Variants in SLC35F2 observed in about 807,000 individuals in gnomAD.
SLC35F2 encodes solute carrier family 35 member F2.
SLC35F2 carries 25 observed loss-of-function variants against 38.1 expected under a neutral mutation model. The ratio of observed to expected loss-of-function variants is 0.66; its 90% CI spans 0.48 to 0.92. The LOEUF (loss-of-function observed/expected upper bound fraction) is 0.92, where lower values mean the gene tolerates loss of function less well. SLC35F2 is among the 40% of genes least tolerant of loss of function. The probability of loss-of-function intolerance (pLI) is 0.00; values close to 1 mark genes in which losing one functional copy is unlikely to be tolerated. For synonymous variants in SLC35F2, 173 were observed against 181.7 expected (o/e 0.95, Z 0.38); for missense variants, 409 against 452.9 (o/e 0.90, Z 0.88).
intron 7 of SLC35F2, among the ~76,000 whole-genome samples, chr11:107,797,704 T>C (rs1859242618): frequency 6.6e-6 from 1 of 152,198 alleles, no homozygotes; most frequent in African/African-American, 2.4e-5. Context: ...TTCTTAACGT[T>C]AAACCTTAAG....
At chr11:107,856,632 G>A (rs1399180971) in intron 1 of SLC35F2, among the ~76,000 whole-genome samples, 4 of 152,164 alleles carry the variant, frequency 2.6e-5, no homozygotes, top group African/African-American at 9.7e-5. Flanking sequence ...GAAAGGTTGA[G>A]GTTGCAGTTA....
intron 1 of SLC35F2, among the ~76,000 whole-genome samples, chr11:107,828,189 C>G: frequency 1.3e-5 from 2 of 152,178 alleles, no homozygotes; most frequent in East Asian, 3.9e-4. Flanking sequence ...GTAATCCCAG[C>G]ACTCTGGGAG....
At chr11:107,845,129 G>A (rs1860085600) in intron 1 of SLC35F2, among the ~76,000 whole-genome samples, 1 of 152,078 alleles carries the variant, frequency 6.6e-6, no homozygotes, top group African/African-American at 2.4e-5. Context: ...CTTAGGAAAT[G>A]CTCTTCCCCC....
chr11:107,841,616 T>A (rs1860013834), intron 1 of SLC35F2, among the ~76,000 whole-genome samples: 2 of 150,150 alleles, frequency 1.3e-5, no homozygotes, highest in Admixed American at 1.3e-4. Context: ...GAGACCCAAC[T>A]TCATTAGGGA....
intron 1 of SLC35F2, among the ~76,000 whole-genome samples, chr11:107,838,723 G>T (rs777619434): frequency 1.5e-4 from 23 of 150,370 alleles, no homozygotes; most frequent in Non-Finnish European, 2.4e-4. Context: ...CTGCCTCCTG[G>T]GTTCAAGCGA....
At chr11:107,801,432 G>T (rs1319043680) in intron 7 of SLC35F2, among the ~76,000 whole-genome samples, 3 of 151,494 alleles carry the variant, frequency 2.0e-5, no homozygotes, top group African/African-American at 7.3e-5. Context: ...TTTTTATTTT[G>T]AAAAATACAT....
In SLC35F2 at chr11:107,838,223, T is replaced by C. The variant is rs373738273; in HGVS notation, c.110+20435A>G. 1.1e-4 allele frequency among the ~76,000 whole-genome samples: 16 copies of C among 152,320 alleles called. No individual in the cohort carries two copies. The South Asian group carries it at 3.3e-3, about 32-fold the overall frequency. ...CTGCAAGTACACTACTTGCATTTATTAGGGATTCATAAAACCTTTCTTACC... is the reference window on the plus strand; with the variant it reads ...CTGCAAGTACACTACTTGCATTTATCAGGGATTCATAAAACCTTTCTTACC... On this transcript the variant is annotated intron_variant, in intron 1 of 7. Transcript: ENST00000525815.
chr11:107,826,256 T>C (rs893463620), intron 1 of SLC35F2, among the ~76,000 whole-genome samples: 5 of 151,656 alleles, frequency 3.3e-5, no homozygotes, highest in African/African-American at 1.2e-4. Flanking sequence ...AATTTGTTAA[T>C]TTTTTAAAAG....
intron 1 of SLC35F2, among the ~76,000 whole-genome samples, chr11:107,857,317 G>GGGAA (rs202247657): frequency 2.9e-4 from 43 of 145,840 alleles, no homozygotes; most frequent in Non-Finnish European, 5.4e-4. Flanking sequence ...GAAGGAGAGA[G>GGGAA]GGAAGGAAGG....
intron 1 of SLC35F2, among the ~76,000 whole-genome samples, chr11:107,844,622 C>CAATAAATAAATAAATA (rs57389430): frequency 7.4e-6 from 1 of 134,792 alleles, no homozygotes; most frequent in Non-Finnish European, 1.6e-5. Context: ...ACTCCTTCTC[C>CAATAAATAAATAAATA]AATAAATAAA....
chr11:107,801,958 G>A (rs756885017), intron 7 of SLC35F2, among the ~76,000 whole-genome samples: 7 of 152,102 alleles, frequency 4.6e-5, no homozygotes, highest in African/African-American at 7.2e-5. Flanking sequence ...AAATGGCTCC[G>A]CCAGGCATGG....
At chr11:107,806,029 C>G (rs1325468540) in intron 4 of SLC35F2, among the ~76,000 whole-genome samples, 3 of 152,150 alleles carry the variant, frequency 2.0e-5, no homozygotes, top group African/African-American at 4.8e-5. Context: ...GTGATCCACC[C>G]ACCTTGGCCT....
At chr11:107,834,393 G>A (rs1242482742) in intron 1 of SLC35F2, among the ~76,000 whole-genome samples, 1 of 152,174 alleles carries the variant, frequency 6.6e-6, no homozygotes, top group Non-Finnish European at 1.5e-5. Context: ...GCTCACCCCT[G>A]TAATCCCAGC....
rs368168023 is a variant in SLC35F2 at position 107,846,147 on chromosome 11, C to T, written c.110+12511G>A. 1.1e-4 allele frequency among the ~76,000 whole-genome samples: 16 copies of T among 151,080 alleles called. No individual in the cohort carries two copies. The East Asian group carries it at 1.9e-3, about 18-fold the overall frequency. ...AAGAAACTGAGTTATCTGGTTTCTA[C>T]GGTGTTAATACAGTAGAAATCATAA... On this transcript the variant is annotated intron_variant, in intron 1 of 7. Coordinates refer to ENST00000525815, the MANE Select transcript of SLC35F2 (RefSeq NM_017515.5).
intron 1 of SLC35F2, among the ~76,000 whole-genome samples, chr11:107,835,433 C>CTTT (rs34100475): frequency 3.2e-4 from 47 of 148,890 alleles, no homozygotes; most frequent in African/African-American, 3.7e-4. Flanking sequence ...CCCACAGTGA[C>CTTT]TTTTTTTTTT....
intron 1 of SLC35F2, among the ~76,000 whole-genome samples, chr11:107,832,745 T>A (rs1194984002): frequency 1.3e-5 from 2 of 152,288 alleles, no homozygotes; most frequent in Non-Finnish European, 2.9e-5. Context: ...AGTTCAAGGC[T>A]GCAGTGAGCC....
intron 1 of SLC35F2, among the ~76,000 whole-genome samples, chr11:107,839,248 G>A (rs879394141): frequency 6.6e-6 from 1 of 152,138 alleles, no homozygotes; most frequent in African/African-American, 2.4e-5. Flanking sequence ...ATCACTTGAG[G>A]TCAGGAGTTC....
At chr11:107,800,976 T>C (rs12805491) in intron 7 of SLC35F2, among the ~76,000 whole-genome samples, 21,833 of 148,830 alleles carry the variant, frequency 0.15, 2,619 homozygotes, top group East Asian at 0.42. Flanking sequence ...ACAATCTTGG[T>C]TCACTACAAC....
chr11:107,818,067 AAAAAAAAAG>A (rs1312599593), intron 1 of SLC35F2, among the ~76,000 whole-genome samples: 22 of 134,822 alleles, frequency 1.6e-4, no homozygotes, highest in Admixed American at 3.7e-4. Context: ...AAAAAAAAAA[AAAAAAAAAG>A]AAAGAAAGAA....
Sources: allele counts gnomAD v4.1 joint callset (sites outside exome capture counted in the v4.1 genomes callset), GRCh38; gene constraint gnomAD v4.1.1; transcripts MANE v1.5; gene names NCBI Gene and HGNC (gene_info 2026-07-23, HGNC 2026-07-21).